The following HTR2C variants were observed in gnomAD, a reference collection of about 807,000 sequenced individuals.
HTR2C encodes the protein 5-hydroxytryptamine (serotonin) receptor 2C, G protein-coupled.
In HTR2C, 5 loss-of-function variants were observed where a neutral mutation model predicts 21.0. The ratio of observed to expected loss-of-function variants is 0.24; its 90% CI spans 0.12 to 0.50. HTR2C has a LOEUF of 0.50. Ranked by LOEUF, HTR2C falls within the 20% of genes least tolerant of loss-of-function variation. The pLI, the probability that HTR2C is intolerant of heterozygous loss-of-function variation, is 0.98. For synonymous variants in HTR2C, 150 were observed against 145.3 expected, an observed-to-expected ratio of 1.03 and a Z score of -0.23; for missense variants, 271 against 371.2, an observed-to-expected ratio of 0.73 and a Z score of 2.22.
chrX:114,622,484 T>A (rs1033826929), intron 2 of HTR2C, among the ~76,000 whole-genome samples: 2 of 111,873 alleles, frequency 1.8e-5, no homozygotes, highest in African/African-American at 6.5e-5. Flanking sequence ...TATTTTTCTA[T>A]TTCCCATCTC....
chrX:114,711,403 C>CAGAT (rs1267482534), intron 2 of HTR2C, among the ~76,000 whole-genome samples: 1 of 111,635 alleles, frequency 9.0e-6, no homozygotes, highest in Non-Finnish European at 1.9e-5. Context: ...ACTTATAGAA[C>CAGAT]AGATGAATAA....
intron 5 of HTR2C, among the ~76,000 whole-genome samples, chrX:114,890,023 A>G (rs782373471): frequency 1.8e-5 from 2 of 111,808 alleles, no homozygotes; most frequent in South Asian, 7.5e-4. Context: ...TTTTATAGAG[A>G]GGCAAATTTT....
At chrX:114,745,344 T>A (rs903425033) in intron 4 of HTR2C, among the ~76,000 whole-genome samples, 2 of 112,305 alleles carry the variant, frequency 1.8e-5, no homozygotes, top group Non-Finnish European at 3.8e-5. Flanking sequence ...TGTATACCGT[T>A]GGTGGGAATG....
In HTR2C at chrX:114,907,649, A is replaced by G; in HGVS notation, c.*234A>G. ...AACTTATTTTGATTGTTTGATGAAT[A>G]AAATGTTTATTTTTGCTCTCCCTCC... On this transcript the variant is annotated 3_prime_UTR_variant, in exon 6 of 6. Coordinates refer to ENST00000276198, the MANE Select transcript of HTR2C (RefSeq NM_000868.4). 3.3e-6 allele frequency: 1 copy of G among 300,764 alleles called. No individual in the cohort carries two copies. The highest frequency in any genetic ancestry group is 5.8e-6 in the Non-Finnish European group (1 of 171,751). The allele number at this position is 300,764 out of a possible 1,213,427, so 24.8% of individuals were successfully genotyped here.
At chrX:114,649,858 G>A (rs996064768) in intron 2 of HTR2C, among the ~76,000 whole-genome samples, 6 of 110,965 alleles carry the variant, frequency 5.4e-5, no homozygotes, top group African/African-American at 2.0e-4. Context: ...CAAGTGATCC[G>A]CCTGCCTTGG....
At chrX:114,644,362 A>AATAAATAAATAT (rs1411395120) in intron 2 of HTR2C, among the ~76,000 whole-genome samples, 3 of 38,246 alleles carry the variant, frequency 7.8e-5, no homozygotes, top group African/African-American at 1.3e-4. Context: ...TAAATAAATA[A>AATAAATAAATAT]ATATATATAT....
At chrX:114,902,184 A>G (rs1354758226) in intron 5 of HTR2C, among the ~76,000 whole-genome samples, 5 of 112,203 alleles carry the variant, frequency 4.5e-5, no homozygotes, top group Non-Finnish European at 7.5e-5. Context: ...TGTTGCCAGT[A>G]TTGCTGTTAT....
chrX:114,778,639 G>A (rs1260927551), intron 4 of HTR2C, among the ~76,000 whole-genome samples: 4 of 111,250 alleles, frequency 3.6e-5, no homozygotes, highest in Non-Finnish European at 7.5e-5. Context: ...TATTGGATTA[G>A]TGTTTTTGTA....
At chrX:114,725,584 G>A (rs1304855575) in intron 2 of HTR2C, among the ~76,000 whole-genome samples, 3 of 112,164 alleles carry the variant, frequency 2.7e-5, no homozygotes, top group Non-Finnish European at 5.6e-5. Context: ...TGGAGGAGGA[G>A]AGGCGCTCTG....
chrX:114,661,654 A>C (rs1459617813), intron 2 of HTR2C, among the ~76,000 whole-genome samples: 2 of 110,129 alleles, frequency 1.8e-5, no homozygotes, highest in Non-Finnish European at 3.8e-5. Context: ...TACAGCCCTG[A>C]GCCACCGTGC....
intron 2 of HTR2C, among the ~76,000 whole-genome samples, chrX:114,666,280 G>C (rs1931173426): frequency 8.9e-6 from 1 of 111,883 alleles, no homozygotes; most frequent in African/African-American, 3.2e-5. Context: ...GTATGAAATG[G>C]AATAAATACA....
At chrX:114,756,835 G>A (rs1238148745) in intron 4 of HTR2C, among the ~76,000 whole-genome samples, 1 of 111,229 alleles carries the variant, frequency 9.0e-6, no homozygotes, top group Non-Finnish European at 1.9e-5. Flanking sequence ...AGCAAACTGA[G>A]AAAAGGGCAC....
intron 4 of HTR2C, among the ~76,000 whole-genome samples, chrX:114,806,779 CACACCATATAT>C (rs2070454035): frequency 3.5e-5 from 3 of 86,719 alleles, no homozygotes; most frequent in Non-Finnish European, 6.5e-5. Flanking sequence ...CATATATATA[CACACCATATAT>C]ATACCATATA....
At chrX:114,885,869 C>A (rs1157496082) in intron 5 of HTR2C, among the ~76,000 whole-genome samples, 1 of 111,295 alleles carries the variant, frequency 9.0e-6, no homozygotes, top group Non-Finnish European at 1.9e-5. Context: ...TCTTTTAGGT[C>A]TAATTGATTT....
intron 4 of HTR2C, among the ~76,000 whole-genome samples, chrX:114,784,098 A>C (rs1490713827): frequency 9.1e-6 from 1 of 109,771 alleles, no homozygotes; most frequent in African/African-American, 3.3e-5. Context: ...TAATTAAATA[A>C]AAACAAAACT....
At chrX:114,685,052 A>G (rs1026109521) in intron 2 of HTR2C, among the ~76,000 whole-genome samples, 2 of 111,342 alleles carry the variant, frequency 1.8e-5, no homozygotes, top group Non-Finnish European at 3.8e-5. Context: ...TGTATACTGC[A>G]GTCATGACAT....
intron 2 of HTR2C, among the ~76,000 whole-genome samples, chrX:114,692,511 T>G (rs1932136334): frequency 9.0e-6 from 1 of 111,699 alleles, no homozygotes; most frequent in African/African-American, 3.2e-5. Context: ...ATACATTTAT[T>G]AACTAGAGGC....
At chrX:114,778,884 T>G (rs2147398295) in intron 4 of HTR2C, among the ~76,000 whole-genome samples, 1 of 111,192 alleles carries the variant, frequency 9.0e-6, no homozygotes, top group East Asian at 2.8e-4. Flanking sequence ...AGTTCCTGGC[T>G]AGTAGTCCAG....
chrX:114,597,518 G>A (rs990634037), intron 1 of HTR2C, among the ~76,000 whole-genome samples: 2 of 112,088 alleles, frequency 1.8e-5, no homozygotes, highest in East Asian at 5.6e-4. Context: ...GCATAGAGAG[G>A]AAATGAATTG....
Sources: gnomAD v4.1 joint callset for allele counts (sites outside exome capture counted in the v4.1 genomes callset) on GRCh38, gnomAD v4.1.1 for gene constraint, MANE v1.5 for transcripts, NCBI Gene and HGNC (gene_info 2026-07-23, HGNC 2026-07-21) for gene names.